CSMD1: variants seen among roughly 807,000 people sequenced by gnomAD.
CSMD1 encodes the protein CUB and Sushi multiple domains 1, also known as CUB and sushi domain-containing protein 1.
Under a neutral mutation model 417.5 loss-of-function variants are expected in CSMD1, and 213 were observed. The observed-to-expected ratio is 0.51, with a 90% CI of 0.46 to 0.57. CSMD1 has a LOEUF of 0.57. CSMD1 is among the 20% of genes least tolerant of loss of function. The pLI, the probability that CSMD1 is intolerant of heterozygous loss-of-function variation, is 0.00. For missense variants in CSMD1, 6,923 were observed against 4,529.7 expected (o/e 1.53, Z -15.17); for synonymous variants, 2,862 against 1,736.8 (o/e 1.65, Z -16.11).
Position 4,010,855 on chromosome 8 carries a change from G to C in CSMD1, c.611-12745C>G, listed in dbSNP as rs117277768. On this transcript the variant is annotated intron_variant, in intron 4 of 69. Transcript: ENST00000635120. Reference sequence around the variant, plus strand: ...CCAAGTCCACTTTTATATCCTTGCAGGTAAAACAGCTGGAGGAATTCCAAA... The same window carrying C: ...CCAAGTCCACTTTTATATCCTTGCACGTAAAACAGCTGGAGGAATTCCAAA... 2.4e-3 allele frequency among the ~76,000 whole-genome samples: 368 copies of C among 152,244 alleles called. 11 individuals are homozygous for C. In the East Asian group the frequency reaches 0.055, roughly 23 times the overall value.
intron 3 of CSMD1, among the ~76,000 whole-genome samples, chr8:4,311,999 A>T (rs1309929124): frequency 6.6e-6 from 1 of 152,190 alleles, no homozygotes; most frequent in Non-Finnish European, 1.5e-5. Context: ...GCATATAAAA[A>T]AGAAATGCAT....
At chr8:3,790,187 CTT>C (rs1209031763) in intron 5 of CSMD1, among the ~76,000 whole-genome samples, 3 of 152,202 alleles carry the variant, frequency 2.0e-5, no homozygotes, top group Non-Finnish European at 4.4e-5. Flanking sequence ...AATCAGAACT[CTT>C]TTGCATCTAG....
At chr8:4,524,948 A>C (rs549675579) in intron 2 of CSMD1, among the ~76,000 whole-genome samples, 1 of 152,284 alleles carries the variant, frequency 6.6e-6, no homozygotes, top group East Asian at 1.9e-4. Context: ...CTATCAGAAA[A>C]CTGATGGCAT....
intron 2 of CSMD1, among the ~76,000 whole-genome samples, chr8:4,620,261 C>G (rs1224400726): frequency 6.6e-6 from 1 of 151,486 alleles, no homozygotes; most frequent in Non-Finnish European, 1.5e-5. Flanking sequence ...AACAATTGCT[C>G]TATCTAAAAG....
chr8:4,537,772 A>C (rs1797173352), intron 2 of CSMD1, among the ~76,000 whole-genome samples: 1 of 152,208 alleles, frequency 6.6e-6, no homozygotes, highest in South Asian at 2.1e-4. Flanking sequence ...TCGAATCACC[A>C]GGCATGCAGC....
chr8:4,165,655 G>C (rs952198834), intron 3 of CSMD1, among the ~76,000 whole-genome samples: 20 of 152,076 alleles, frequency 1.3e-4, no homozygotes, highest in African/African-American at 4.8e-4. Flanking sequence ...ATTGAACCTT[G>C]GCCTCCCAAA....
chr8:4,100,410 ACTC>A (rs1362820242), intron 3 of CSMD1, among the ~76,000 whole-genome samples: 2 of 151,960 alleles, frequency 1.3e-5, no homozygotes, highest in African/African-American at 4.8e-5. Context: ...TCAGCCAACT[ACTC>A]TGTAGCCCGT....
intron 6 of CSMD1, among the ~76,000 whole-genome samples, chr8:3,709,678 A>AAGTTTTTTT (rs1801385415): frequency 4.1e-5 from 1 of 24,322 alleles, no homozygotes; most frequent in East Asian, 1.1e-3. Context: ...TTGCAGCAGC[A>AAGTTTTTTT]TGTTTTTTTT....
chr8:3,629,921 TCA>T (rs1439672977), intron 7 of CSMD1, among the ~76,000 whole-genome samples: 1 of 152,250 alleles, frequency 6.6e-6, no homozygotes, highest in Non-Finnish European at 1.5e-5. Flanking sequence ...AATTTTCTTG[TCA>T]CAGTGTTTGT....
chr8:3,824,037 A>G (rs555148023), intron 5 of CSMD1, among the ~76,000 whole-genome samples: 9 of 152,142 alleles, frequency 5.9e-5, no homozygotes, highest in African/African-American at 1.9e-4. Flanking sequence ...CCTCTGCCCA[A>G]AAGTCTGATA....
chr8:3,092,304 C>G (rs1006836856), intron 47 of CSMD1, among the ~76,000 whole-genome samples: 12 of 151,876 alleles, frequency 7.9e-5, no homozygotes, highest in Admixed American at 5.9e-4. Flanking sequence ...CTTAACATAA[C>G]AGATTATTAC....
In CSMD1 at chr8:3,313,816, C is replaced by T. The variant is rs889076852; in HGVS notation, c.3632-5313G>A. Among the ~76,000 whole-genome samples, 24 of 152,308 alleles carry T rather than the reference C, an allele frequency of 1.6e-4. No homozygotes were observed. The South Asian group carries it at 1.7e-3, about 11-fold the overall frequency. On this transcript the variant is annotated intron_variant, in intron 23 of 69. Coordinates refer to ENST00000635120, the MANE Select transcript of CSMD1 (RefSeq NM_033225.6). Reference sequence around the variant, plus strand: ...AATCATGCTTCTATAAGGAAACATGCACACGTATGTTTATAGCGGCACTAT... The same window carrying T: ...AATCATGCTTCTATAAGGAAACATGTACACGTATGTTTATAGCGGCACTAT...
chr8:3,722,551 C>A (rs923901448), intron 6 of CSMD1, among the ~76,000 whole-genome samples: 14 of 152,282 alleles, frequency 9.2e-5, no homozygotes, highest in African/African-American at 3.4e-4. Flanking sequence ...CTTCTTACCT[C>A]TTGTCAATGT....
intron 3 of CSMD1, among the ~76,000 whole-genome samples, chr8:4,271,869 G>A (rs951837406): frequency 1.3e-5 from 2 of 152,154 alleles, no homozygotes; most frequent in African/African-American, 4.8e-5. Context: ...ATTCCACGAT[G>A]CATACAGTCC....
At chr8:3,188,351 G>C (rs911819386) in intron 35 of CSMD1, among the ~76,000 whole-genome samples, 5 of 114,788 alleles carry the variant, frequency 4.4e-5, no homozygotes, top group African/African-American at 1.7e-4. Flanking sequence ...CTGTCACCCA[G>C]GCTTGAGTGC....
chr8:4,855,424 G>C (rs1306169884), intron 1 of CSMD1, among the ~76,000 whole-genome samples: 3 of 152,186 alleles, frequency 2.0e-5, no homozygotes, highest in East Asian at 1.9e-4. Context: ...GAATGACTTT[G>C]ACGAGCTGAG....
chr8:3,811,791 T>G (rs1481702), intron 5 of CSMD1, among the ~76,000 whole-genome samples: 122,201 of 152,048 alleles, frequency 0.8, 49,414 homozygotes, highest in African/African-American at 0.89. Flanking sequence ...GGAGAATCAG[T>G]GCTATGTCTA....
intron 2 of CSMD1, among the ~76,000 whole-genome samples, chr8:4,527,730 G>A (rs1585205520): frequency 6.6e-6 from 1 of 152,136 alleles, no homozygotes; most frequent in African/African-American, 2.4e-5. Flanking sequence ...ATAATGAAAT[G>A]CATCATATAC....
intron 3 of CSMD1, among the ~76,000 whole-genome samples, chr8:4,311,397 G>C (rs186294269): frequency 7.0e-4 from 107 of 152,248 alleles, no homozygotes; most frequent in African/African-American, 2.3e-3. Flanking sequence ...ACTAATGCAG[G>C]AACAGAAAAC....
Sources: gnomAD v4.1 joint callset for allele counts (sites outside exome capture counted in the v4.1 genomes callset) on GRCh38, gnomAD v4.1.1 for gene constraint, MANE v1.5 for transcripts, NCBI Gene and HGNC (gene_info 2026-07-23, HGNC 2026-07-21) for gene names.